Variants in WASL observed in about 807,000 individuals in gnomAD.
WASL encodes WASP like actin nucleation promoting factor, also known as actin nucleation-promoting factor WASL.
A neutral mutation model predicts 55.5 loss-of-function variants in WASL; 20 were observed. That is an observed-to-expected ratio of 0.36 (90% CI 0.25 to 0.52). The LOEUF (loss-of-function observed/expected upper bound fraction) is 0.52, where lower values mean the gene tolerates loss of function less well. WASL is among the 20% of genes least tolerant of loss of function. The probability of loss-of-function intolerance (pLI) is 0.92; values close to 1 mark genes in which losing one functional copy is unlikely to be tolerated. For synonymous variants in WASL, 249 were observed against 217.6 expected (o/e 1.14, Z -1.27); for missense variants, 504 against 622.5 (o/e 0.81, Z 2.03).
At chr7:123,698,063 T>C (rs1244990824) in intron 5 of WASL, among the ~76,000 whole-genome samples, 1 of 152,154 alleles carries the variant, frequency 6.6e-6, no homozygotes, top group African/African-American at 2.4e-5. Context: ...GTGTGGTTTT[T>C]TTTTTTTATG....
intron 8 of WASL, among the ~76,000 whole-genome samples, chr7:123,694,054 C>T (rs943339237): frequency 3.3e-5 from 5 of 152,126 alleles, no homozygotes; most frequent in Non-Finnish European, 7.3e-5. Context: ...TTAACCGGAG[C>T]TTTTGCTTAA....
At chr7:123,731,269 C>A (rs1382389006) in intron 1 of WASL, among the ~76,000 whole-genome samples, 1 of 152,132 alleles carries the variant, frequency 6.6e-6, no homozygotes, top group Non-Finnish European at 1.5e-5. Flanking sequence ...ACATAACAAT[C>A]TGTAATATGT....
chr7:123,706,851 T>C, intron 2 of WASL, 25 bp from the exon 3 acceptor site: 3 of 1,384,758 alleles, frequency 2.2e-6, no homozygotes, highest in Non-Finnish European at 3.0e-6. Context: ...AAAATTAAAA[T>C]AAGAACTACC....
chr7:123,725,275 C>A, intron 1 of WASL, among the ~76,000 whole-genome samples: 1 of 152,132 alleles, frequency 6.6e-6, no homozygotes, highest in African/African-American at 2.4e-5. Flanking sequence ...ATTTAATGTT[C>A]TATTAAATTA....
chr7:123,728,384 G>A (rs1804085176), intron 1 of WASL, among the ~76,000 whole-genome samples: 2 of 152,166 alleles, frequency 1.3e-5, no homozygotes, highest in Non-Finnish European at 2.9e-5. Flanking sequence ...GTCTGGTGAA[G>A]ACAGATGAAG....
intron 1 of WASL, among the ~76,000 whole-genome samples, chr7:123,721,838 G>T (rs1803952606): frequency 6.6e-6 from 1 of 152,098 alleles, no homozygotes; most frequent in Non-Finnish European, 1.5e-5. Flanking sequence ...AGAAATGCTT[G>T]AACCCAGGAG....
intron 6 of WASL, 107 bp from the exon 7 acceptor site, chr7:123,695,972 G>T: frequency 1.0e-6 from 1 of 976,116 alleles, no homozygotes; most frequent in Non-Finnish European, 1.6e-6. Flanking sequence ...TTTTTGGTCT[G>T]AACTAACAGT....
At chr7:123,729,433 G>A (rs1804103767) in intron 1 of WASL, among the ~76,000 whole-genome samples, 1 of 152,118 alleles carries the variant, frequency 6.6e-6, no homozygotes, top group Non-Finnish European at 1.5e-5. Flanking sequence ...TTTTTAATGA[G>A]TAAGACACAG....
intron 1 of WASL, among the ~76,000 whole-genome samples, chr7:123,738,319 C>A (rs1804273073): frequency 6.6e-6 from 1 of 152,148 alleles, no homozygotes; most frequent in Admixed American, 6.5e-5. Context: ...ATGTTTCTAG[C>A]AAATTAAAGA....
chr7:123,688,933 T>TAGCAAAGACAG (rs1803345954), intron 10 of WASL, 109 bp downstream of exon 10: 2 of 987,146 alleles, frequency 2.0e-6, no homozygotes, highest in Admixed American at 3.8e-5. Context: ...GAGAGAAAGC[T>TAGCAAAGACAG]AGCAAAGACA....
At chr7:123,747,237 G>A (rs1429478402) in intron 1 of WASL, among the ~76,000 whole-genome samples, 1 of 152,114 alleles carries the variant, frequency 6.6e-6, no homozygotes, top group East Asian at 1.9e-4. Flanking sequence ...TATGACTTGG[G>A]CTCACTGGAT....
intron 2 of WASL, among the ~76,000 whole-genome samples, chr7:123,707,739 A>C (rs1006248285): frequency 6.6e-6 from 1 of 152,204 alleles, no homozygotes; most frequent in African/African-American, 2.4e-5. Flanking sequence ...GAAATATGTC[A>C]AAGCACTTGG....
At chr7:123,699,641 CT>C (rs1803546786) in intron 5 of WASL, among the ~76,000 whole-genome samples, 1 of 152,090 alleles carries the variant, frequency 6.6e-6, no homozygotes, top group African/African-American at 2.4e-5. Flanking sequence ...AAATCAGCTT[CT>C]TATAACCTTG....
chr7:123,738,438 G>C (rs1486359177), intron 1 of WASL, among the ~76,000 whole-genome samples: 4 of 152,148 alleles, frequency 2.6e-5, no homozygotes, highest in East Asian at 3.9e-4. Context: ...CACCTTCACA[G>C]ATCTAATCCC....
chr7:123,729,340 T>C (rs1230523089), intron 1 of WASL, among the ~76,000 whole-genome samples: 4 of 152,194 alleles, frequency 2.6e-5, no homozygotes, highest in Admixed American at 6.5e-5. Flanking sequence ...TACATTTCAA[T>C]TGCTCAATAG....
chr7:123,701,270 A>C (rs75196035), intron 5 of WASL, among the ~76,000 whole-genome samples: 2,611 of 152,318 alleles, frequency 0.017, 75 homozygotes, highest in African/African-American at 0.059. Flanking sequence ...ACAAATGACA[A>C]ATTAACTCCT....
chr7:123,747,667 C>T (rs930966699), intron 1 of WASL, among the ~76,000 whole-genome samples: 1 of 152,142 alleles, frequency 6.6e-6, no homozygotes, highest in Non-Finnish European at 1.5e-5. Flanking sequence ...AGAAAGGGAT[C>T]CAGCCAGTAT....
intron 5 of WASL, among the ~76,000 whole-genome samples, chr7:123,701,652 C>CT: frequency 1.3e-5 from 2 of 152,128 alleles, no homozygotes; most frequent in Non-Finnish European, 2.9e-5. Context: ...GGATCTGAGA[C>CT]AAAGCACCTG....
At chr7:123,709,865 G>T (rs2116791020) in intron 1 of WASL, among the ~76,000 whole-genome samples, 1 of 152,222 alleles carries the variant, frequency 6.6e-6, no homozygotes, top group East Asian at 1.9e-4. Flanking sequence ...TGCACAAGTG[G>T]CCACGCAGTT....
Sources: gnomAD v4.1 joint callset for allele counts (sites outside exome capture counted in the v4.1 genomes callset) on GRCh38, gnomAD v4.1.1 for gene constraint, MANE v1.5 for transcripts, NCBI Gene and HGNC (gene_info 2026-07-23, HGNC 2026-07-21) for gene names.